Variants in RBFOX1 observed in about 807,000 individuals in gnomAD.
The protein encoded by RBFOX1 is RNA binding fox-1 homolog 1.
RBFOX1 carries 8 observed loss-of-function variants against 57.7 expected under a neutral mutation model. The observed-to-expected ratio is 0.14, with a 90% CI of 0.08 to 0.25. The LOEUF is 0.25. Among genes scored for constraint, RBFOX1 ranks in the 10% least tolerant of loss-of-function variants. RBFOX1 has a pLI of 1.00. For missense variants in RBFOX1, 611 were observed against 548.5 expected, an observed-to-expected ratio of 1.11 and a Z score of -1.14; for synonymous variants, 326 against 222.4, an observed-to-expected ratio of 1.47 and a Z score of -4.15.
chr16:5,925,396 AC>A (rs2058919865), intron 4 of RBFOX1, among the ~76,000 whole-genome samples: 1 of 152,178 alleles, frequency 6.6e-6, no homozygotes, highest in African/African-American at 2.4e-5. Context: ...AGTAGAAAAA[AC>A]TAGACCTGAA....
intron 4 of RBFOX1, among the ~76,000 whole-genome samples, chr16:7,076,461 T>C (rs1287635369): frequency 6.6e-6 from 1 of 152,110 alleles, no homozygotes; most frequent in African/African-American, 2.4e-5. Flanking sequence ...AAATAGGATA[T>C]ACCAGATTTC....
chr16:6,804,401 C>G (rs2086229990), intron 3 of RBFOX1, among the ~76,000 whole-genome samples: 1 of 152,068 alleles, frequency 6.6e-6, no homozygotes, highest in African/African-American at 2.4e-5. Flanking sequence ...CCCATCTAGC[C>G]CTGCAGTATT....
chr16:6,992,185 A>T (rs8057647), intron 3 of RBFOX1, among the ~76,000 whole-genome samples: 11,389 of 147,026 alleles, frequency 0.077, 1,432 homozygotes, highest in African/African-American at 0.26. Context: ...TTTTTTTGAG[A>T]TGGAGTCTCA....
At chr16:5,741,121 G>A (rs551250769) in intron 3 of RBFOX1, among the ~76,000 whole-genome samples, 1 of 152,190 alleles carries the variant, frequency 6.6e-6, no homozygotes, top group Non-Finnish European at 1.5e-5. Flanking sequence ...ATAGAACTGG[G>A]ATAGTGGTCC....
chr16:7,096,578 A>C (rs1189201026), intron 4 of RBFOX1, among the ~76,000 whole-genome samples: 1 of 152,110 alleles, frequency 6.6e-6, no homozygotes, highest in Non-Finnish European at 1.5e-5. Flanking sequence ...CTGATACTCA[A>C]CATCCAACCC....
intron 3 of RBFOX1, among the ~76,000 whole-genome samples, chr16:6,793,590 C>T (rs112966856): frequency 6.6e-6 from 1 of 152,096 alleles, no homozygotes. Context: ...TTTGAAATGA[C>T]TCATTCTTCA....
chr16:6,963,358 C>A (rs886863653), intron 3 of RBFOX1, among the ~76,000 whole-genome samples: 1 of 151,814 alleles, frequency 6.6e-6, no homozygotes, highest in Non-Finnish European at 1.5e-5. Context: ...GGAATGAAAT[C>A]GAACCTCTAT....
At chr16:7,368,538 G>A (rs1596601350) in intron 4 of RBFOX1, among the ~76,000 whole-genome samples, 1 of 152,086 alleles carries the variant, frequency 6.6e-6, no homozygotes, top group South Asian at 2.1e-4. Context: ...CAGCACTTTG[G>A]GAGGCCGAGG....
At chr16:7,117,443 T>C (rs2066159531) in intron 4 of RBFOX1, among the ~76,000 whole-genome samples, 1 of 152,220 alleles carries the variant, frequency 6.6e-6, no homozygotes, top group African/African-American at 2.4e-5. Flanking sequence ...TCAGAGATCA[T>C]GTAAGTTGGA....
At chr16:5,981,546 G>A (rs892752034) in intron 4 of RBFOX1, among the ~76,000 whole-genome samples, 2 of 152,130 alleles carry the variant, frequency 1.3e-5, no homozygotes, top group Admixed American at 1.3e-4. Context: ...TCAGCTCACT[G>A]CAGCCTCCGC....
At chr16:6,379,355 G>T (rs2091548715) in intron 2 of RBFOX1, among the ~76,000 whole-genome samples, 1 of 152,130 alleles carries the variant, frequency 6.6e-6, no homozygotes, top group African/African-American at 2.4e-5. Context: ...ATCCCAGTTA[G>T]CCAGGATATT....
chr16:5,420,630 G>A (rs928545045), intron 1 of RBFOX1, among the ~76,000 whole-genome samples: 1 of 151,774 alleles, frequency 6.6e-6, no homozygotes, highest in Non-Finnish European at 1.5e-5. Flanking sequence ...CTACCTCAGC[G>A]TCCCCCAACC....
At chr16:7,312,364 G>C (rs772156034) in intron 4 of RBFOX1, among the ~76,000 whole-genome samples, 5 of 152,214 alleles carry the variant, frequency 3.3e-5, no homozygotes, top group Admixed American at 6.5e-5. Flanking sequence ...TGGGCAACAA[G>C]AGTGAAACTC....
chr16:6,937,009 G>C (rs1004928771), intron 3 of RBFOX1, among the ~76,000 whole-genome samples: 3 of 151,062 alleles, frequency 2.0e-5, no homozygotes, highest in Non-Finnish European at 4.4e-5. Flanking sequence ...GAGTTAGTGG[G>C]GGTAGCACAC....
At chr16:6,918,055 G>A (rs2073632962) in intron 3 of RBFOX1, among the ~76,000 whole-genome samples, 2 of 152,158 alleles carry the variant, frequency 1.3e-5, no homozygotes, top group African/African-American at 4.8e-5. Flanking sequence ...GGGAGGTCGA[G>A]GCGGGTGGAT....
At chr16:5,625,656 C>T (rs2048329155) in intron 3 of RBFOX1, among the ~76,000 whole-genome samples, 1 of 151,924 alleles carries the variant, frequency 6.6e-6, no homozygotes, top group South Asian at 2.1e-4. Flanking sequence ...CTCCTGGGTT[C>T]AAGTGATTCT....
intron 1 of RBFOX1, among the ~76,000 whole-genome samples, chr16:6,051,412 C>G (rs2095550640): frequency 6.6e-6 from 1 of 152,142 alleles, no homozygotes; most frequent in Non-Finnish European, 1.5e-5. Flanking sequence ...ACTGCAACCT[C>G]TGCCTCCTGG....
chr16:5,738,369 T>G (rs1234169329), intron 3 of RBFOX1, among the ~76,000 whole-genome samples: 3 of 151,866 alleles, frequency 2.0e-5, no homozygotes, highest in East Asian at 3.9e-4. Context: ...CGGTGGCTCA[T>G]GCTTGTAATC....
chr16:7,669,385 G>A (rs916867277), intron 13 of RBFOX1, among the ~76,000 whole-genome samples: 1 of 152,142 alleles, frequency 6.6e-6, no homozygotes, highest in South Asian at 2.1e-4. Context: ...AAATTATAAT[G>A]AACTGTTAAA....
Sources: allele counts gnomAD v4.1 joint callset (sites outside exome capture counted in the v4.1 genomes callset), GRCh38; gene constraint gnomAD v4.1.1; transcripts MANE v1.5; gene names NCBI Gene and HGNC (gene_info 2026-07-23, HGNC 2026-07-21).